The following DPP6 variants were observed in gnomAD, a reference collection of about 807,000 sequenced individuals.
DPP6 encodes dipeptidyl peptidase like 6, also known as A-type potassium channel modulatory protein DPP6.
DPP6 carries 69 observed loss-of-function variants against 122.6 expected under a neutral mutation model. The ratio of observed to expected loss-of-function variants is 0.56; its 90% CI spans 0.46 to 0.69. DPP6 has a LOEUF of 0.69. DPP6 is among the 30% of genes least tolerant of loss of function. The pLI is 0.00. For synonymous variants in DPP6, 418 were observed against 433.1 expected, an observed-to-expected ratio of 0.97 and a Z score of 0.43; for missense variants, 928 against 1,116.9, an observed-to-expected ratio of 0.83 and a Z score of 2.41.
At chr7:153,963,664 T>C (rs917597440) in intron 1 of DPP6, among the ~76,000 whole-genome samples, 2 of 152,148 alleles carry the variant, frequency 1.3e-5, no homozygotes, top group East Asian at 1.9e-4. Context: ...TCGATTCTCA[T>C]AGGAGTGGGA....
intron 1 of DPP6, among the ~76,000 whole-genome samples, chr7:154,328,067 A>T (rs1808603136): frequency 6.6e-6 from 1 of 152,134 alleles, no homozygotes; most frequent in Non-Finnish European, 1.5e-5. Context: ...AGTCCTCCCC[A>T]CGTCTGTGAG....
intron 12 of DPP6, among the ~76,000 whole-genome samples, chr7:154,796,806 G>A (rs767635223): frequency 3.3e-5 from 5 of 152,194 alleles, no homozygotes; most frequent in African/African-American, 4.8e-5. Context: ...TCTGCCTGTG[G>A]AGTCAGGAAT....
chr7:153,999,889 G>T (rs1352101958), intron 1 of DPP6, among the ~76,000 whole-genome samples: 1 of 152,028 alleles, frequency 6.6e-6, no homozygotes, highest in South Asian at 2.1e-4. Context: ...AGCCCGGGGA[G>T]GGGGAGGTTA....
At chr7:153,906,115 A>G (rs182603332) in intron 1 of DPP6, among the ~76,000 whole-genome samples, 298 of 152,358 alleles carry the variant, frequency 2.0e-3, no homozygotes, top group Admixed American at 4.5e-3. Context: ...TAGAAGAGAT[A>G]TATTGTAGGT....
intron 1 of DPP6, among the ~76,000 whole-genome samples, chr7:154,361,141 TAAG>T (rs901810891): frequency 2.1e-4 from 32 of 152,208 alleles, no homozygotes; most frequent in African/African-American, 6.0e-4. Context: ...TTCTGTATAA[TAAG>T]ATGCTGGATT....
intron 1 of DPP6, among the ~76,000 whole-genome samples, chr7:153,990,224 T>C: frequency 1.4e-5 from 1 of 72,622 alleles, no homozygotes; most frequent in Non-Finnish European, 2.8e-5. Context: ...AGCCCCACCC[T>C]CTTCCAGCCC....
chr7:153,773,704 C>T, the DPP6 span, among the ~76,000 whole-genome samples: 40 of 151,012 alleles, frequency 2.6e-4, no homozygotes, highest in Non-Finnish European at 4.7e-4. Context: ...TGAACAAAGC[C>T]ATGCTTAGAA....
At chr7:154,654,150 A>G (rs1408229272) in intron 6 of DPP6, among the ~76,000 whole-genome samples, 1 of 152,120 alleles carries the variant, frequency 6.6e-6, no homozygotes, top group Non-Finnish European at 1.5e-5. Flanking sequence ...TGCTTACATT[A>G]TATGCAAATA....
Position 154,892,554 on chromosome 7 carries a change from T to C in DPP6, c.*74T>C. On this transcript the variant is annotated 3_prime_UTR_variant, in exon 26 of 26. Coordinates refer to ENST00000377770, the MANE Select transcript of DPP6 (RefSeq NM_130797.4). ...AACCGAGGGATTTCCCTGCCCTCCC[T>C]CTTCCCTCGGAGGGGCGGGGCGGGG... 1.3e-6 allele frequency: 2 copies of C among 1,558,438 alleles called. No homozygotes were observed. Among genetic ancestry groups the C allele is most frequent in the East Asian group, 2.4e-5 (1 of 41,992 alleles).
At chr7:154,682,911 A>G (rs1018947589) in intron 7 of DPP6, among the ~76,000 whole-genome samples, 1 of 65,988 alleles carries the variant, frequency 1.5e-5, no homozygotes. Context: ...TTTCAATGAC[A>G]GACCACTTTG....
chr7:154,689,333 G>C (rs1241456713), intron 7 of DPP6, among the ~76,000 whole-genome samples: 1 of 152,124 alleles, frequency 6.6e-6, no homozygotes, highest in African/African-American at 2.4e-5. Context: ...TCTTTGGTTG[G>C]TTGTTGTTGT....
intron 1 of DPP6, among the ~76,000 whole-genome samples, chr7:154,371,220 A>T (rs952790833): frequency 1.3e-5 from 2 of 151,820 alleles, no homozygotes; most frequent in African/African-American, 4.8e-5. Context: ...TCTACTAAAA[A>T]GTACAAAAAT....
intron 1 of DPP6, among the ~76,000 whole-genome samples, chr7:154,105,006 C>T (rs141542624): frequency 6.6e-5 from 10 of 152,270 alleles, no homozygotes; most frequent in African/African-American, 1.7e-4. Flanking sequence ...CACACGCCTG[C>T]GGTCCCAGCT....
intron 8 of DPP6, among the ~76,000 whole-genome samples, chr7:154,749,162 G>A (rs1292209990): frequency 1.3e-3 from 172 of 127,492 alleles, no homozygotes; most frequent in African/African-American, 4.6e-3. Flanking sequence ...AGAGGGTGAG[G>A]GAGCATAGGA....
At chr7:154,643,617 C>A (rs1275389515) in intron 6 of DPP6, among the ~76,000 whole-genome samples, 1 of 151,958 alleles carries the variant, frequency 6.6e-6, no homozygotes, top group Non-Finnish European at 1.5e-5. Flanking sequence ...TACAGGCACC[C>A]ACCACCACTC....
chr7:153,983,292 G>A (rs749569762), intron 1 of DPP6, among the ~76,000 whole-genome samples: 82 of 152,332 alleles, frequency 5.4e-4, no homozygotes, highest in Middle Eastern at 3.4e-3. Context: ...TGGCTTGGCC[G>A]TGCTGCCATG....
the DPP6 span, among the ~76,000 whole-genome samples, chr7:153,792,755 C>A: frequency 6.6e-6 from 1 of 150,948 alleles, no homozygotes; most frequent in African/African-American, 2.4e-5. Flanking sequence ...TGTGTCCCCA[C>A]CCAAATCTCA....
chr7:153,776,709 A>T, the DPP6 span, among the ~76,000 whole-genome samples: 1 of 152,228 alleles, frequency 6.6e-6, no homozygotes, highest in Non-Finnish European at 1.5e-5. Context: ...TCTTTCCAAC[A>T]AATGGTGCTG....
chr7:154,314,132 T>C (rs1326994559), intron 1 of DPP6, among the ~76,000 whole-genome samples: 1 of 152,192 alleles, frequency 6.6e-6, no homozygotes, highest in Non-Finnish European at 1.5e-5. Flanking sequence ...GGAGAATTGC[T>C]GTGCTTTGGC....
Sources: gnomAD v4.1 joint callset for allele counts (sites outside exome capture counted in the v4.1 genomes callset) on GRCh38, gnomAD v4.1.1 for gene constraint, MANE v1.5 for transcripts, NCBI Gene and HGNC (gene_info 2026-07-23, HGNC 2026-07-21) for gene names.